The following GSE1 variants were observed in gnomAD, a reference collection of about 807,000 sequenced individuals.
The protein encoded by GSE1 is Gse1 coiled-coil protein, also known as genetic suppressor element 1.
Under a neutral mutation model 112.6 loss-of-function variants are expected in GSE1, and 32 were observed. The observed-to-expected ratio is 0.28, with a 90% CI of 0.21 to 0.38. The LOEUF (loss-of-function observed/expected upper bound fraction) is 0.38, where lower values mean the gene tolerates loss of function less well. Among genes scored for constraint, GSE1 ranks in the 10% least tolerant of loss-of-function variants. The pLI is 1.00. For synonymous variants in GSE1, 1,115 were observed against 735.6 expected (o/e 1.52, Z -8.35); for missense variants, 2,348 against 1,699.2 (o/e 1.38, Z -6.71).
At chr16:85,641,237 A>G (rs796948249) in intron 2 of GSE1, among the ~76,000 whole-genome samples, 16 of 152,302 alleles carry the variant, frequency 1.1e-4, no homozygotes, top group African/African-American at 3.9e-4. Flanking sequence ...CTTTGGTCCC[A>G]CGCGGACTCT....
chr16:85,670,588 T>G (rs2053250297), intron 14 of GSE1: 1 of 154,320 alleles, frequency 6.5e-6, no homozygotes, highest in Non-Finnish European at 1.4e-5. Context: ...CTGTTGAAAC[T>G]AGGCCTGGTA....
chr16:85,241,311 C>T (rs1251054582), intron 1 of GSE1, among the ~76,000 whole-genome samples: 1 of 152,222 alleles, frequency 6.6e-6, no homozygotes, highest in African/African-American at 2.4e-5. Flanking sequence ...GGGCACCCAG[C>T]ATAGGCCCTG....
chr16:85,243,202 T>C (rs887266643), intron 1 of GSE1, among the ~76,000 whole-genome samples: 5 of 152,254 alleles, frequency 3.3e-5, no homozygotes, highest in Admixed American at 6.5e-5. Context: ...CCACACACTT[T>C]GGCACTTAAA....
intron 1 of GSE1, among the ~76,000 whole-genome samples, chr16:85,175,306 A>C (rs767513190): frequency 9.2e-5 from 14 of 152,078 alleles, no homozygotes; most frequent in Non-Finnish European, 1.5e-4. Flanking sequence ...GGGAGGGCTG[A>C]AGCCTGCTCT....
At chr16:85,238,899 T>G (rs1904941472) in intron 1 of GSE1, among the ~76,000 whole-genome samples, 2 of 152,152 alleles carry the variant, frequency 1.3e-5, no homozygotes, top group Non-Finnish European at 2.9e-5. Flanking sequence ...TGACGCCACC[T>G]GCACACCCGG....
At chr16:85,621,238 G>T (rs761778230) in intron 1 of GSE1, among the ~76,000 whole-genome samples, 3 of 152,006 alleles carry the variant, frequency 2.0e-5, no homozygotes, top group Middle Eastern at 3.4e-3. Context: ...TGGGGAACCC[G>T]TTTAGATGGT....
intron 1 of GSE1, among the ~76,000 whole-genome samples, chr16:85,337,221 G>A (rs977498926): frequency 6.6e-6 from 1 of 151,780 alleles, no homozygotes; most frequent in African/African-American, 2.4e-5. Context: ...TACCCTTTGG[G>A]CCTAGGCAGC....
intron 2 of GSE1, among the ~76,000 whole-genome samples, chr16:85,460,903 G>C (rs1320486939): frequency 2.0e-5 from 3 of 152,242 alleles, no homozygotes; most frequent in Non-Finnish European, 4.4e-5. Context: ...CGTGAAGTCT[G>C]ATGACAGATG....
At chr16:85,409,837 GGCCCCCCGGATAATCCT>G in intron 2 of GSE1, among the ~76,000 whole-genome samples, 4 of 13,364 alleles carry the variant, frequency 3.0e-4, no homozygotes, top group Admixed American at 2.8e-3. Context: ...TTACACTCAG[GGCCCCCCGGATAATCCT>G]CACTGTTACA....
At chr16:85,230,974 C>T (rs182554083) in intron 1 of GSE1, among the ~76,000 whole-genome samples, 23 of 146,266 alleles carry the variant, frequency 1.6e-4, no homozygotes, top group African/African-American at 3.8e-4. Flanking sequence ...GATGGACGGA[C>T]GGACGGATGG....
intron 8 of GSE1, among the ~76,000 whole-genome samples, chr16:85,660,020 G>T (rs1227074537): frequency 6.6e-6 from 1 of 152,242 alleles, no homozygotes; most frequent in Non-Finnish European, 1.5e-5. Context: ...GACACTGGAA[G>T]GTTGTCTTGT....
chr16:85,311,681 C>G lies in GSE1; in HGVS notation c.2284-45782C>G, dbSNP rs1456172622. Among the ~76,000 whole-genome samples the G allele has an allele frequency of 2.0e-5, 3 of 152,174 alleles. No individual in the cohort carries two copies. Among genetic ancestry groups the G allele is most frequent in the Admixed American group, 6.5e-5 (1 of 15,286 alleles). ...GGGCCTGGTGGCTCTGTCTGTGGCT[C>G]TCTTGGGGCCCTGGATACCTCCTGC... On this transcript the variant is annotated intron_variant, in intron 1 of 2. Transcript: ENST00000637419. This position sits in a 1 kb window ranked among gnomAD's most constrained non-coding sequence, Gnocchi z 4.2.
chr16:85,613,637 G>C (rs940048745), intron 1 of GSE1, among the ~76,000 whole-genome samples: 2 of 151,542 alleles, frequency 1.3e-5, no homozygotes, highest in Non-Finnish European at 3.0e-5. Flanking sequence ...GGGGGCTCCG[G>C]GCTCAGGAGT....
chr16:85,399,489 C>T (rs374595757), intron 2 of GSE1, among the ~76,000 whole-genome samples: 5 of 152,238 alleles, frequency 3.3e-5, no homozygotes, highest in African/African-American at 7.2e-5. Flanking sequence ...GTTGCTGATG[C>T]GGTTGTACCT....
At position 85,240,928 on chromosome 16, in the gene GSE1, C is replaced by G. The variant is rs141558714; in HGVS notation, c.2283+69121C>G. Among the ~76,000 whole-genome samples the G allele has an allele frequency of 9.4e-3, 1,434 of 152,260 alleles. 27 individuals are homozygous for G. Among genetic ancestry groups the G allele is most frequent in the African/African-American group, 0.033 (1,353 of 41,540 alleles). On this transcript the variant is annotated intron_variant, in intron 1 of 2. Coordinates refer to the GSE1 transcript ENST00000637419. Reference sequence around the variant, plus strand: ...TCTGTAAGTCATGGAGAGATGTGTTCCCATCCTGCTAGCTCCCTCCTAGAA... The same window carrying G: ...TCTGTAAGTCATGGAGAGATGTGTTGCCATCCTGCTAGCTCCCTCCTAGAA...
intron 1 of GSE1, among the ~76,000 whole-genome samples, chr16:85,267,297 T>C (rs1908348814): frequency 6.6e-6 from 1 of 151,450 alleles, no homozygotes; most frequent in African/African-American, 2.5e-5. Context: ...CCCTGGCATA[T>C]TTTCCGAAAC....
chr16:85,392,461 C>A (rs2047862982), intron 2 of GSE1, among the ~76,000 whole-genome samples: 1 of 152,174 alleles, frequency 6.6e-6, no homozygotes, highest in Non-Finnish European at 1.5e-5. Context: ...GGGTTTCTCC[C>A]TGGAGTGGTG....
chr16:85,260,740 C>T (rs1036734504), intron 1 of GSE1, among the ~76,000 whole-genome samples: 9 of 152,242 alleles, frequency 5.9e-5, no homozygotes, highest in Non-Finnish European at 1.3e-4. Flanking sequence ...AGCTGCTGTT[C>T]CCCTGCCCAT....
At chr16:85,547,043 G>A (rs1442448288) in intron 2 of GSE1, among the ~76,000 whole-genome samples, 1 of 152,176 alleles carries the variant, frequency 6.6e-6, no homozygotes, top group Non-Finnish European at 1.5e-5. Context: ...GTTTTGTGGA[G>A]GGCGGGCAGC....
Sources: gnomAD v4.1 joint callset for allele counts (sites outside exome capture counted in the v4.1 genomes callset) on GRCh38, gnomAD v4.1.1 for gene constraint, Gnocchi (gnomAD v3.1) non-coding constraint, MANE v1.5 for transcripts, NCBI Gene and HGNC (gene_info 2026-07-23, HGNC 2026-07-21) for gene names.